The following SLC12A1 variants were observed in gnomAD, a reference collection of about 807,000 sequenced individuals.
SLC12A1 encodes solute carrier family 12 member 1, also known as Na-K-2Cl cotransporter.
SLC12A1 carries 89 observed loss-of-function variants against 130.4 expected under a neutral mutation model. That is an observed-to-expected ratio of 0.68 (90% CI 0.58 to 0.81). The LOEUF (loss-of-function observed/expected upper bound fraction) is 0.81. SLC12A1 is among the 40% of genes least tolerant of loss of function. The pLI is 0.00. For synonymous variants in SLC12A1, 499 were observed against 460.0 expected (o/e 1.08, Z -1.09); for missense variants, 1,310 against 1,336.4 (o/e 0.98, Z 0.31).
chr15:48,281,645 G>C (rs1348102714), intron 20 of SLC12A1, among the ~76,000 whole-genome samples: 1 of 152,206 alleles, frequency 6.6e-6, no homozygotes, highest in African/African-American at 2.4e-5. Flanking sequence ...CTGAGCCCAA[G>C]TTTCCTTTTT....
intron 17 of SLC12A1, 122 bp downstream of exon 17, chr15:48,259,433 G>GC (rs1442166238): frequency 1.4e-6 from 1 of 731,870 alleles, no homozygotes; most frequent in Non-Finnish European, 2.5e-6. Flanking sequence ...TTATAGGAGA[G>GC]CCCTCTACCT....
intron 4 of SLC12A1, chr15:48,223,640 T>C (rs1225925582): frequency 6.6e-6 from 1 of 152,222 alleles, no homozygotes; most frequent in Non-Finnish European, 1.5e-5. Context: ...TATATGGTCC[T>C]GTAGAGTTTC....
At chr15:48,301,244 AT>A in intron 25 of SLC12A1, 70 bp from the exon 26 acceptor site, 1 of 1,045,620 alleles carries the variant, frequency 9.6e-7, no homozygotes, top group Non-Finnish European at 1.4e-6. Context: ...CTTGTTCATG[AT>A]TTAAGAAAAT....
rs115103408 is a variant in SLC12A1 at position 48,275,861 on chromosome 15, A to C, written c.2485+1208A>C. On this transcript the variant is annotated intron_variant, in intron 20 of 26. Transcript: ENST00000380993. ...TGTAGGTAATGAGGAACCATCAGAG[A>C]GATTCAAATGAGGGAATAAGGTGGT... Among the ~76,000 whole-genome samples the C allele has an allele frequency of 9.2e-3, 1,403 of 152,310 alleles. 25 individuals carry two copies. Among genetic ancestry groups the C allele is most frequent in the African/African-American group, 0.033 (1,362 of 41,566 alleles).
At chr15:48,279,408 T>C (rs11857986) in intron 20 of SLC12A1, among the ~76,000 whole-genome samples, 7,702 of 152,240 alleles carry the variant, frequency 0.051, 211 homozygotes, top group African/African-American at 0.07. Flanking sequence ...CCATATACTG[T>C]AGTTAATAAA....
chr15:48,284,134 C>A (rs1347097529), intron 20 of SLC12A1, among the ~76,000 whole-genome samples: 4 of 152,194 alleles, frequency 2.6e-5, no homozygotes, highest in African/African-American at 7.2e-5. Context: ...TCACAAGACC[C>A]CTTTTAGCAA....
chr15:48,231,152 C>T (rs951425716), intron 7 of SLC12A1, among the ~76,000 whole-genome samples: 3 of 152,134 alleles, frequency 2.0e-5, no homozygotes, highest in African/African-American at 7.2e-5. Context: ...CCAAAGCCTC[C>T]CACCTATAAG....
At chr15:48,282,282 T>C (rs1249076721) in intron 20 of SLC12A1, among the ~76,000 whole-genome samples, 1 of 152,198 alleles carries the variant, frequency 6.6e-6, no homozygotes, top group Non-Finnish European at 1.5e-5. Flanking sequence ...AATTTGATTT[T>C]GTCTCTCAGG....
In SLC12A1 at chr15:48,288,036, G is replaced by C; in HGVS notation, c.2630-7G>C. ...AAACAGATGCATCAATTCCTCTTTC[G>C]TTTCAGATGGCAGCATTAACACAAG... is the stretch of plus-strand genomic sequence containing the variant. On this transcript the variant is annotated splice_polypyrimidine_tract_variant and splice_region_variant and intron_variant, in intron 21 of 26. Transcript: ENST00000380993. 1 of 1,605,038 alleles carries C rather than the reference G, an allele frequency of 6.2e-7. No individual in the cohort carries two copies.
chr15:48,244,815 T>G lies in SLC12A1; in HGVS notation c.1363T>G (p.Cys455Gly), dbSNP rs2041559189. Residue 455 changes from cysteine (C) to glycine (G), a missense_variant, in exon 11 of 27, where the codon TGC becomes GGC. Transcript: ENST00000380993. ...MNDTIISGMN[C>G]NGSAACGLGY... is the part of the protein sequence containing the mutation. ...TGACACCATCATTTCTGGGATGAACTGCAATGGTTCAGCAGCATGTGGGTT... is the reference window on the plus strand; with the variant it reads ...TGACACCATCATTTCTGGGATGAACGGCAATGGTTCAGCAGCATGTGGGTT... 1 of 1,613,834 alleles carries G rather than the reference T, an allele frequency of 6.2e-7. No homozygotes were observed. The highest frequency in any genetic ancestry group is 1.3e-5 in the African/African-American group (1 of 74,918).
At chr15:48,235,326 G>A in intron 9 of SLC12A1, 16 of 284,116 alleles carry the variant, frequency 5.6e-5, no homozygotes, top group South Asian at 1.0e-4. Flanking sequence ...AAATGAATAG[G>A]AATATTTTCC....
rs796802835 is a variant in SLC12A1 at position 48,240,030 on chromosome 15, C to CATATATAT, written c.1216-1474_1216-1467dup. ...TTATCCATATATATATATATATATC[C>CATATATAT]ATATATATATATATATATCCATATA... On this transcript the variant is annotated intron_variant, in intron 9 of 26. Transcript: ENST00000380993. Among the ~76,000 whole-genome samples, 46 of 13,128 alleles carry CATATATAT rather than the reference C, an allele frequency of 3.5e-3. 5 individuals are homozygous for CATATATAT. The South Asian group carries it at 0.041, about 12-fold the overall frequency. 8.6% of individuals were successfully genotyped at this position (13,128 alleles called of 152,430 possible). A position where few individuals can be genotyped will look rare whatever the true frequency, so the allele number is the denominator to read the frequency against.
chr15:48,262,324 C>T (rs965126601), intron 17 of SLC12A1, among the ~76,000 whole-genome samples: 13 of 152,192 alleles, frequency 8.5e-5, no homozygotes, highest in Admixed American at 3.9e-4. Flanking sequence ...AGGAGCAAGA[C>T]GTAGAACTCA....
chr15:48,280,649 A>G (rs2042000735), intron 20 of SLC12A1, among the ~76,000 whole-genome samples: 1 of 152,132 alleles, frequency 6.6e-6, no homozygotes, highest in South Asian at 2.1e-4. Context: ...GGTACCATTA[A>G]AGGATTTCCA....
At chr15:48,208,269 T>C in intron 2 of SLC12A1, 130 bp downstream of exon 2, 2 of 909,204 alleles carry the variant, frequency 2.2e-6, no homozygotes, top group Non-Finnish European at 3.2e-6. Flanking sequence ...ACTATCCATC[T>C]TACTTACAAA....
chr15:48,221,008 T>C lies in SLC12A1; in HGVS notation c.628+12T>C, dbSNP rs547063347. On this transcript the variant is annotated intron_variant, in intron 4 of 26. Coordinates refer to ENST00000380993, the MANE Select transcript of SLC12A1 (RefSeq NM_000338.3). The stretch of plus-strand genomic sequence containing the variant: ...AGAAGCTGGAATTGGTAAGCATTTT[T>C]CCCCTCCTAAATAATTTTGCATGTA... The C allele has an allele frequency of 1.2e-6, 2 of 1,612,284 alleles. No homozygotes were observed. Among genetic ancestry groups the C allele is most frequent in the South Asian group, 1.1e-5 (1 of 91,044 alleles).
intron 17 of SLC12A1, among the ~76,000 whole-genome samples, chr15:48,263,683 TTTTATTTATTTA>T (rs201165308): frequency 6.6e-6 from 1 of 151,526 alleles, no homozygotes; most frequent in Non-Finnish European, 1.5e-5. Flanking sequence ...CTCACTTTAT[TTTTATTTATTTA>T]TTTATTTATT....
Position 48,255,109 on chromosome 15 carries a change from C to T in SLC12A1, c.1943-702C>T, listed in dbSNP as rs146468574. ...TTCAAAATATAAAGATTACTGCACA[C>T]TATCTGTGTATACAGAAATGCTGCT... On this transcript the variant is annotated intron_variant, in intron 15 of 26. Coordinates refer to ENST00000380993, the MANE Select transcript of SLC12A1 (RefSeq NM_000338.3). Among the ~76,000 whole-genome samples, 735 of 152,170 alleles carry T rather than the reference C, an allele frequency of 4.8e-3. 8 individuals carry two copies. The highest frequency in any genetic ancestry group is 0.045 in the Middle Eastern group (13 of 292).
chr15:48,274,344 A>G (rs1004707768), intron 19 of SLC12A1, among the ~76,000 whole-genome samples: 1 of 152,248 alleles, frequency 6.6e-6, no homozygotes, highest in East Asian at 1.9e-4. Context: ...TTATTTGAAC[A>G]AATTGGCTAA....
Sources: gnomAD v4.1 joint callset for allele counts (sites outside exome capture counted in the v4.1 genomes callset) on GRCh38, gnomAD v4.1.1 for gene constraint, MANE v1.5 for transcripts, NCBI Gene and HGNC (gene_info 2026-07-23, HGNC 2026-07-21) for gene names.